PVT1: variants seen among roughly 807,000 people sequenced by gnomAD.
PVT1 encodes CXCR4/PVT1 fusion.
rs140877979 is a variant in PVT1, at chr8:127,988,212, A to C, written n.783-950A>C. On this transcript the variant is annotated intron_variant and non_coding_transcript_variant, in intron 3 of 10. Transcript: ENST00000651587. ...GTGGGGCAAGGATGTTTCACCAGCT[A>C]TTCCAGAGTTGAGAGCAAATTCCCC... Among the ~76,000 whole-genome samples the C allele has an allele frequency of 4.3e-3, 656 of 152,336 alleles. 4 individuals are homozygous for C. The highest frequency in any genetic ancestry group is 0.014 in the African/African-American group (590 of 41,564).
chr8:127,959,742 G>A (rs921558407), intron 3 of PVT1, among the ~76,000 whole-genome samples: 1 of 152,196 alleles, frequency 6.6e-6, no homozygotes, highest in Non-Finnish European at 1.5e-5. Context: ...CTCAGCATCT[G>A]AAGTTCAAAG....
At chr8:128,070,811 A>G (rs1040958902) in intron 5 of PVT1, among the ~76,000 whole-genome samples, 1 of 152,114 alleles carries the variant, frequency 6.6e-6, no homozygotes, top group Non-Finnish European at 1.5e-5. Context: ...GCCAGGGCCA[A>G]TTCTTCCCCC....
chr8:127,934,359 G>T (rs1816246196), intron 3 of PVT1, among the ~76,000 whole-genome samples: 1 of 152,218 alleles, frequency 6.6e-6, no homozygotes, highest in Admixed American at 6.5e-5. Flanking sequence ...CACCAGTCTG[G>T]TGGTGGTGAC....
intron 4 of PVT1, among the ~76,000 whole-genome samples, chr8:128,013,797 T>C (rs1451823658): frequency 6.6e-6 from 1 of 152,188 alleles, no homozygotes; most frequent in Admixed American, 6.5e-5. Flanking sequence ...CAGTAAGTCC[T>C]AATCATTGGG....
At chr8:127,821,947 G>A (rs146906386) in intron 2 of PVT1, among the ~76,000 whole-genome samples, 48 of 152,336 alleles carry the variant, frequency 3.2e-4, no homozygotes, top group Admixed American at 3.1e-3. Context: ...GCCATATGTG[G>A]CAGGCCTACC....
rs138860075 is a variant in PVT1 at position 128,002,004 on chromosome 8, G to A, written n.912+12713G>A. On this transcript the variant is annotated intron_variant and non_coding_transcript_variant, in intron 4 of 10. Coordinates refer to ENST00000651587, the Ensembl canonical transcript of PVT1. ...TTGGGGAGACACCGACATTCAGACT[G>A]TAGCAGCTCCCCAGCACAATCCTGC... is the stretch of plus-strand genomic sequence containing the variant. Among the ~76,000 whole-genome samples, 382 of 152,300 alleles carry A rather than the reference G, an allele frequency of 2.5e-3. 3 individuals carry two copies. Among genetic ancestry groups the A allele is most frequent in the African/African-American group, 8.8e-3 (365 of 41,566 alleles).
chr8:127,849,179 A>G (rs1586405676), intron 2 of PVT1, among the ~76,000 whole-genome samples: 1 of 152,316 alleles, frequency 6.6e-6, no homozygotes, highest in Non-Finnish European at 1.5e-5. Context: ...AGTAGGTGGC[A>G]GATAATGCCG....
intron 2 of PVT1, among the ~76,000 whole-genome samples, chr8:127,833,079 T>C (rs530782997): frequency 2.6e-4 from 40 of 152,264 alleles, no homozygotes; most frequent in Admixed American, 1.2e-3. Context: ...CTATTATGGC[T>C]CCTTTCTTGT....
chr8:128,014,408 A>G (rs1306892147), intron 4 of PVT1, among the ~76,000 whole-genome samples: 2 of 152,216 alleles, frequency 1.3e-5, no homozygotes, highest in East Asian at 3.9e-4. Context: ...ATTTTGCGAT[A>G]TCTTCAGACT....
intron 4 of PVT1, among the ~76,000 whole-genome samples, chr8:128,061,751 G>A (rs925712992): frequency 6.6e-6 from 1 of 152,158 alleles, no homozygotes; most frequent in Non-Finnish European, 1.5e-5. Context: ...AACTATGAAG[G>A]GCCCAGGAAC....
At chr8:127,889,321 G>C (rs1399245582) in intron 2 of PVT1, among the ~76,000 whole-genome samples, 2 of 151,902 alleles carry the variant, frequency 1.3e-5, no homozygotes, top group African/African-American at 4.8e-5. Context: ...GTAGAGACAG[G>C]GTTTCACCAT....
intron 4 of PVT1, among the ~76,000 whole-genome samples, chr8:128,001,587 C>T (rs973715912): frequency 6.6e-5 from 10 of 152,314 alleles, no homozygotes; most frequent in African/African-American, 2.4e-4. Context: ...GAGCCACTCA[C>T]AGAGTGGGAA....
rs553915273 is a variant in PVT1, at chr8:128,069,812, CTG to C, written n.913-346_913-345del. ...CAGCATTCACGCCTGGGTTCTCTGA[CTG>C]TAAATCTGGCTGTGTTTTTTTCTTT... On this transcript the variant is annotated intron_variant and non_coding_transcript_variant, in intron 4 of 10. Coordinates refer to ENST00000651587, the Ensembl canonical transcript of PVT1. Among the ~76,000 whole-genome samples the C allele has an allele frequency of 3.3e-5, 5 of 152,312 alleles. No individual in the cohort carries two copies. The South Asian group carries it at 1.0e-3, about 32-fold the overall frequency.
chr8:127,928,078 T>C (rs920249580), intron 3 of PVT1, among the ~76,000 whole-genome samples: 13 of 152,172 alleles, frequency 8.5e-5, no homozygotes, highest in Non-Finnish European at 1.9e-4. Flanking sequence ...GACACTTAAG[T>C]CTTTTCCTAG....
At chr8:127,964,149 A>AG (rs1816678058) in intron 3 of PVT1, among the ~76,000 whole-genome samples, 1 of 152,204 alleles carries the variant, frequency 6.6e-6, no homozygotes, top group Non-Finnish European at 1.5e-5. Flanking sequence ...CTGGGCAAAG[A>AG]GGGGCAAGTC....
At chr8:127,823,841 T>C (rs1335436807) in intron 2 of PVT1, among the ~76,000 whole-genome samples, 1 of 152,244 alleles carries the variant, frequency 6.6e-6, no homozygotes, top group African/African-American at 2.4e-5. Flanking sequence ...TCGGCTTTGA[T>C]CACATGTCCT....
chr8:127,938,031 C>T (rs1816300530), intron 3 of PVT1, among the ~76,000 whole-genome samples: 1 of 152,200 alleles, frequency 6.6e-6, no homozygotes, highest in African/African-American at 2.4e-5. Flanking sequence ...CAGTCTCTTT[C>T]CCTCAGCGGA....
At chr8:127,802,143 G>A (rs1308142345) in intron 2 of PVT1, among the ~76,000 whole-genome samples, 6 of 152,080 alleles carry the variant, frequency 3.9e-5, no homozygotes, top group African/African-American at 7.2e-5. Flanking sequence ...TTGAACTTCT[G>A]ACCTCAGGTG....
intron 4 of PVT1, among the ~76,000 whole-genome samples, chr8:128,032,548 C>G (rs923036827): frequency 6.6e-6 from 1 of 152,208 alleles, no homozygotes; most frequent in Non-Finnish European, 1.5e-5. Context: ...TCATGGTGTA[C>G]CATAATTGCG....
Sources: gnomAD v4.1 joint callset for allele counts (sites outside exome capture counted in the v4.1 genomes callset) on GRCh38, gnomAD v4.1.1 for gene constraint, MANE v1.5 for transcripts, NCBI Gene and HGNC (gene_info 2026-07-23, HGNC 2026-07-21) for gene names.